RASAL2: variants seen among roughly 807,000 people sequenced by gnomAD.
The protein encoded by RASAL2 is ras GTPase-activating protein nGAP.
Under a neutral mutation model 128.9 loss-of-function variants are expected in RASAL2, and 58 were observed. The observed-to-expected ratio is 0.45, with a 90% CI of 0.36 to 0.56. The LOEUF (loss-of-function observed/expected upper bound fraction) is 0.56. Among genes scored for constraint, RASAL2 ranks in the 20% least tolerant of loss-of-function variants. The pLI is 0.00. For synonymous variants in RASAL2, 561 were observed against 580.8 expected, an observed-to-expected ratio of 0.97 and a Z score of 0.49; for missense variants, 1,360 against 1,601.6, an observed-to-expected ratio of 0.85 and a Z score of 2.57.
At chr1:178,441,728 C>T (rs1416776023) in intron 7 of RASAL2, 81 bp downstream of exon 7, 5 of 1,026,436 alleles carry the variant, frequency 4.9e-6, no homozygotes, top group Non-Finnish European at 7.4e-6. Context: ...GTAGTAATAC[C>T]TTAATTTGTC....
At chr1:178,304,831 G>T (rs954545411) in intron 3 of RASAL2, among the ~76,000 whole-genome samples, 5 of 152,128 alleles carry the variant, frequency 3.3e-5, no homozygotes, top group African/African-American at 1.2e-4. Context: ...GAAATAAAGG[G>T]CATCCAAATT....
Position 178,131,363 on chromosome 1 carries a change from C to T in RASAL2, c.202+36669C>T, listed in dbSNP as rs541420309. Among the ~76,000 whole-genome samples, 428 of 147,174 alleles carry T rather than the reference C, an allele frequency of 2.9e-3. 4 individuals carry two copies. The highest frequency in any genetic ancestry group is 4.2e-3 in the Non-Finnish European group (282 of 66,918). On this transcript the variant is annotated intron_variant, in intron 1 of 17. Coordinates refer to ENST00000367649, the MANE Select transcript of RASAL2 (RefSeq NM_170692.4). ...CTGGCACTGTAGTCGTGCACTACCACGCCTGGATAATCTTTTTTTTTTTTT... is the reference window on the plus strand; with the variant it reads ...CTGGCACTGTAGTCGTGCACTACCATGCCTGGATAATCTTTTTTTTTTTTT...
At chr1:178,408,560 G>GT (rs1041790655) in intron 4 of RASAL2, among the ~76,000 whole-genome samples, 12 of 148,422 alleles carry the variant, frequency 8.1e-5, no homozygotes, top group African/African-American at 3.1e-4. Flanking sequence ...CACAATAGTA[G>GT]TTTTTTTGTT....
At chr1:178,329,168 A>G (rs1557905720) in intron 3 of RASAL2, among the ~76,000 whole-genome samples, 1 of 152,226 alleles carries the variant, frequency 6.6e-6, no homozygotes, top group Non-Finnish European at 1.5e-5. Context: ...ACACCTTTAC[A>G]ATATACCGCA....
chr1:178,462,972 A>G (rs369619936), intron 14 of RASAL2, among the ~76,000 whole-genome samples: 3 of 152,168 alleles, frequency 2.0e-5, no homozygotes, highest in African/African-American at 7.2e-5. Context: ...GTCTCTCCCA[A>G]CCCATCTCTG....
At chr1:178,344,667 A>C (rs548159964) in intron 3 of RASAL2, among the ~76,000 whole-genome samples, 1 of 152,190 alleles carries the variant, frequency 6.6e-6, no homozygotes, top group Non-Finnish European at 1.5e-5. Context: ...AGTTCCCTGT[A>C]TATCAGTTGT....
At chr1:178,312,894 T>C (rs1571836554) in intron 3 of RASAL2, among the ~76,000 whole-genome samples, 1 of 152,326 alleles carries the variant, frequency 6.6e-6, no homozygotes, top group Non-Finnish European at 1.5e-5. Context: ...TTTATCATAT[T>C]GGGCACTTTA....
intron 7 of RASAL2, among the ~76,000 whole-genome samples, chr1:178,442,243 A>G (rs1676705802): frequency 6.6e-6 from 1 of 152,144 alleles, no homozygotes; most frequent in Non-Finnish European, 1.5e-5. Flanking sequence ...TACTGCAGAT[A>G]TTATTGCCAT....
chr1:178,274,787 C>T (rs754076076), intron 1 of RASAL2, among the ~76,000 whole-genome samples: 4 of 152,012 alleles, frequency 2.6e-5, no homozygotes, highest in Non-Finnish European at 4.4e-5. Context: ...CCAGGGGTCC[C>T]ACTTTGTTGC....
intron 3 of RASAL2, among the ~76,000 whole-genome samples, chr1:178,343,660 A>G (rs1669995684): frequency 6.6e-6 from 1 of 152,174 alleles, no homozygotes; most frequent in South Asian, 2.1e-4. Context: ...AAAAGAAACT[A>G]TTTTATTAAC....
intron 1 of RASAL2, among the ~76,000 whole-genome samples, chr1:178,217,599 T>C (rs1011005084): frequency 1.7e-4 from 26 of 152,228 alleles, no homozygotes; most frequent in African/African-American, 6.3e-4. Context: ...ATGAATTTTT[T>C]TGTTTCTCAG....
chr1:178,357,893 G>A (rs1037543658), intron 3 of RASAL2, among the ~76,000 whole-genome samples: 4 of 151,906 alleles, frequency 2.6e-5, no homozygotes, highest in African/African-American at 9.7e-5. Flanking sequence ...TAAGAGTTGT[G>A]GTTGGGGTTG....
chr1:178,218,990 T>C (rs999509031), intron 1 of RASAL2, among the ~76,000 whole-genome samples: 2 of 152,256 alleles, frequency 1.3e-5, no homozygotes, highest in Non-Finnish European at 2.9e-5. Flanking sequence ...ATCTGTTGTT[T>C]AGTGTACAGT....
At chr1:178,152,227 G>C (rs1266801429) in intron 1 of RASAL2, among the ~76,000 whole-genome samples, 2 of 152,126 alleles carry the variant, frequency 1.3e-5, no homozygotes, top group Non-Finnish European at 2.9e-5. Context: ...GCAGTGTTTG[G>C]TGAACTTCTG....
chr1:178,372,335 T>G lies in RASAL2; in HGVS notation c.458-17765T>G, dbSNP rs956138526. Reference sequence around the variant, plus strand: ...CTGTCATTTCTGGGTACGGTAGGGCTTGCTTGTTCTTTTAACCCTTTATTG... The same window carrying G: ...CTGTCATTTCTGGGTACGGTAGGGCGTGCTTGTTCTTTTAACCCTTTATTG... On this transcript the variant is annotated intron_variant, in intron 3 of 17. Transcript: ENST00000367649. 10 of 985,316 alleles carry G rather than the reference T, an allele frequency of 1.0e-5. No homozygotes were observed. In the African/African-American group the frequency reaches 1.6e-4, roughly 15 times the overall value. 61.0% of individuals were successfully genotyped at this position (985,316 alleles called of 1,614,324 possible). A position where few individuals can be genotyped will look rare whatever the true frequency, so the allele number is the denominator to read the frequency against.
At position 178,452,704 on chromosome 1, in the gene RASAL2, A is replaced by C. The variant is rs141688262; in HGVS notation, c.2009+52A>C. ...AAAAACACAGTTTAAAAAATACTTG[A>C]GGCCTAAAATTTGGATGAGGGTTGG... On this transcript the variant is annotated intron_variant, in intron 11 of 17. Transcript: ENST00000367649. 3.5e-5 allele frequency: 52 copies of C among 1,481,046 alleles called. No homozygotes were observed. The East Asian group carries it at 1.1e-3, about 32-fold the overall frequency. The allele number at this position is 1,481,046 out of a possible 1,614,324, so 91.7% of individuals were successfully genotyped here. A position where few individuals can be genotyped will look rare whatever the true frequency, so the allele number is the denominator to read the frequency against.
intron 1 of RASAL2, among the ~76,000 whole-genome samples, chr1:178,271,563 A>G (rs1666259717): frequency 6.6e-6 from 1 of 152,162 alleles, no homozygotes; most frequent in Non-Finnish European, 1.5e-5. Context: ...TTGGCCTTAG[A>G]CAGATGGATC....
chr1:178,289,039 A>G (rs568631098), intron 2 of RASAL2, among the ~76,000 whole-genome samples: 14 of 152,112 alleles, frequency 9.2e-5, no homozygotes, highest in Non-Finnish European at 1.8e-4. Context: ...TTTATAACAC[A>G]AATTCTCAAA....
chr1:178,267,087 C>G (rs563730548), intron 1 of RASAL2, among the ~76,000 whole-genome samples: 1 of 152,262 alleles, frequency 6.6e-6, no homozygotes, highest in South Asian at 2.1e-4. Flanking sequence ...CCCTTTTCCT[C>G]TCCTATCTGC....
Sources: gnomAD v4.1 joint callset for allele counts (sites outside exome capture counted in the v4.1 genomes callset) on GRCh38, gnomAD v4.1.1 for gene constraint, MANE v1.5 for transcripts, NCBI Gene and HGNC (gene_info 2026-07-23, HGNC 2026-07-21) for gene names.